Variants in GPR89A observed in about 807,000 individuals in gnomAD.
GPR89A encodes G protein-coupled receptor 89A.
In GPR89A, 16 loss-of-function variants were observed where a neutral mutation model predicts 52.0. The ratio of observed to expected loss-of-function variants is 0.31; its 90% CI spans 0.21 to 0.47. The LOEUF (loss-of-function observed/expected upper bound fraction) is 0.47, where lower values mean the gene tolerates loss of function less well. Ranked by LOEUF, GPR89A falls within the 20% of genes least tolerant of loss-of-function variation. The probability of loss-of-function intolerance (pLI) is 1.00; values close to 1 mark genes in which losing one functional copy is unlikely to be tolerated. For synonymous variants in GPR89A, 55 were observed against 150.9 expected, an observed-to-expected ratio of 0.36 and a Z score of 4.66; for missense variants, 135 against 449.4, an observed-to-expected ratio of 0.30 and a Z score of 6.33.
intron 1 of GPR89A, chr1:145,611,600 G>A (rs1443912323): frequency 2.0e-5 from 3 of 150,952 alleles, no homozygotes; most frequent in Non-Finnish European, 4.4e-5. Context: ...GTATATATCT[G>A]TTTCTCTTTT....
chr1:145,641,436 T>A (rs1553691718), intron 7 of GPR89A, among the ~76,000 whole-genome samples: 1 of 151,496 alleles, frequency 6.6e-6, no homozygotes, highest in Non-Finnish European at 1.5e-5. Context: ...TCTATCAATG[T>A]CAGTATCCTG....
At chr1:145,645,548 G>A in intron 8 of GPR89A, 1 of 453,958 alleles carries the variant, frequency 2.2e-6, no homozygotes, top group South Asian at 1.6e-5. Context: ...AAATAACATA[G>A]TGTAATGGAA....
At chr1:145,651,074 A>G (rs1571526223) in intron 10 of GPR89A, among the ~76,000 whole-genome samples, 2 of 152,258 alleles carry the variant, frequency 1.3e-5, no homozygotes, top group Middle Eastern at 6.8e-3. Context: ...TGCCTGTACC[A>G]TGTCCTGAAT....
chr1:145,666,521 G>A (rs1272354057), intron 12 of GPR89A, among the ~76,000 whole-genome samples: 1 of 151,394 alleles, frequency 6.6e-6, no homozygotes, highest in Non-Finnish European at 1.5e-5. Flanking sequence ...TCCTATAAAT[G>A]GCATTAAGTA....
intron 12 of GPR89A, 53 bp downstream of exon 12, chr1:145,665,704 TGTG>T (rs1652507865): frequency 1.1e-6 from 1 of 926,440 alleles, no homozygotes; most frequent in Non-Finnish European, 1.7e-6. Flanking sequence ...TTTAATTAAA[TGTG>T]GTACCAGCCG....
chr1:145,643,142 G>A (rs1201613533), intron 7 of GPR89A, among the ~76,000 whole-genome samples: 38 of 150,450 alleles, frequency 2.5e-4, no homozygotes, highest in Non-Finnish European at 3.8e-4. Context: ...AGTTAGGTAT[G>A]TTAGCTGGTT....
At chr1:145,662,796 A>T (rs1345273499) in intron 10 of GPR89A, among the ~76,000 whole-genome samples, 1 of 151,820 alleles carries the variant, frequency 6.6e-6, no homozygotes, top group African/African-American at 2.4e-5. Flanking sequence ...TTGGATTTTA[A>T]ACTACTGTGT....
At chr1:145,652,386 G>C (rs1426514553) in intron 10 of GPR89A, among the ~76,000 whole-genome samples, 1 of 151,540 alleles carries the variant, frequency 6.6e-6, no homozygotes, top group Non-Finnish European at 1.5e-5. Context: ...TGTGCTGCTG[G>C]ATTTGGTTTG....
intron 7 of GPR89A, among the ~76,000 whole-genome samples, chr1:145,632,074 AT>A (rs587707373): frequency 1.2e-3 from 166 of 140,576 alleles, no homozygotes; most frequent in African/African-American, 4.4e-3. Flanking sequence ...ATTCAATCTC[AT>A]TTCTTGAATT....
intron 9 of GPR89A, 40 bp downstream of exon 9, chr1:145,646,312 T>C (rs1650989292): frequency 6.6e-7 from 1 of 1,521,868 alleles, no homozygotes; most frequent in Non-Finnish European, 9.0e-7. Flanking sequence ...TTTACCAATA[T>C]TATTAAAGAG....
At chr1:145,612,211 T>A (rs1490181576) in intron 1 of GPR89A, 3 of 152,168 alleles carry the variant, frequency 2.0e-5, no homozygotes, top group African/African-American at 4.8e-5. Context: ...GCAGATAACC[T>A]TGCCTCGTAC....
At chr1:145,624,686 T>C (rs587701900) in intron 5 of GPR89A, among the ~76,000 whole-genome samples, 1 of 134,134 alleles carries the variant, frequency 7.5e-6, no homozygotes, top group African/African-American at 2.9e-5. Context: ...TTAACTGCTA[T>C]ATAGTGAAGA....
chr1:145,635,311 C>T (rs192306971), intron 7 of GPR89A, among the ~76,000 whole-genome samples: 1 of 152,012 alleles, frequency 6.6e-6, no homozygotes, highest in Admixed American at 6.6e-5. Flanking sequence ...GAGGCTGAGG[C>T]AGGAGAATGG....
chr1:145,632,166 G>A (rs1182778691), intron 7 of GPR89A, among the ~76,000 whole-genome samples: 7 of 151,976 alleles, frequency 4.6e-5, no homozygotes, highest in South Asian at 2.1e-4. Flanking sequence ...ATGGTTGTAT[G>A]TATTTGTGGC....
intron 12 of GPR89A, 79 bp from the exon 13 acceptor site, chr1:145,669,546 A>T: frequency 7.0e-7 from 1 of 1,432,092 alleles, no homozygotes; most frequent in Non-Finnish European, 9.8e-7. Flanking sequence ...TTTTAATCAA[A>T]TGTTAACCAT....
In GPR89A at chr1:145,666,384, A is replaced by T. The variant is rs1652550577; in HGVS notation, c.1095+733A>T. On this transcript the variant is annotated intron_variant, in intron 12 of 13. Coordinates refer to ENST00000313835, the MANE Select transcript of GPR89A (RefSeq NM_001097612.2). ...ATGTCATCAATAAGTTCTTGGAAAC[A>T]GCAGCTTTAAGCAAAACTATATACC... Among the ~76,000 whole-genome samples the T allele has an allele frequency of 4.6e-5, 7 of 151,838 alleles. No homozygotes were observed. In the South Asian group the frequency reaches 1.5e-3, roughly 32 times the overall value.
chr1:145,637,921 C>T (rs1650359236), intron 7 of GPR89A, among the ~76,000 whole-genome samples: 1 of 150,352 alleles, frequency 6.7e-6, no homozygotes, highest in Non-Finnish European at 1.5e-5. Context: ...CCTGTAATCC[C>T]AGCACTTTGG....
intron 2 of GPR89A, 141 bp downstream of exon 2, chr1:145,616,434 A>C (rs1189259510): frequency 3.5e-5 from 26 of 744,800 alleles, no homozygotes; most frequent in Admixed American, 8.1e-5. Flanking sequence ...TAGATTGCAG[A>C]ATATAAGTAG....
At chr1:145,615,299 G>T (rs1440583917) in intron 1 of GPR89A, among the ~76,000 whole-genome samples, 1 of 151,956 alleles carries the variant, frequency 6.6e-6, no homozygotes, top group Admixed American at 6.6e-5. Flanking sequence ...CTCTAATTTT[G>T]GTCTCAACTC....
Sources: allele counts gnomAD v4.1 joint callset (sites outside exome capture counted in the v4.1 genomes callset), GRCh38; gene constraint gnomAD v4.1.1; transcripts MANE v1.5; gene names NCBI Gene and HGNC (gene_info 2026-07-23, HGNC 2026-07-21).